MAP2K5: variants seen among roughly 807,000 people sequenced by gnomAD.
MAP2K5 encodes dual specificity mitogen-activated protein kinase kinase 5.
MAP2K5 carries 49 observed loss-of-function variants against 83.1 expected under a neutral mutation model. The ratio of observed to expected loss-of-function variants is 0.59; its 90% CI spans 0.47 to 0.75. MAP2K5 has a LOEUF of 0.75. Among genes scored for constraint, MAP2K5 ranks in the 30% least tolerant of loss-of-function variants. The probability of loss-of-function intolerance (pLI) is 0.00; values close to 1 mark genes in which losing one functional copy is unlikely to be tolerated. For synonymous variants in MAP2K5, 202 were observed against 191.8 expected, an observed-to-expected ratio of 1.05 and a Z score of -0.44; for missense variants, 457 against 557.5, an observed-to-expected ratio of 0.82 and a Z score of 1.82.
intron 2 of MAP2K5, among the ~76,000 whole-genome samples, chr15:67,560,569 C>G (rs1297006950): frequency 2.0e-5 from 3 of 152,152 alleles, no homozygotes; most frequent in Non-Finnish European, 2.9e-5. Context: ...GGAGTCAGAC[C>G]CCCTAAGGGG....
chr15:67,569,603 G>A (rs1262132687), intron 3 of MAP2K5, among the ~76,000 whole-genome samples: 1 of 152,110 alleles, frequency 6.6e-6, no homozygotes, highest in Non-Finnish European at 1.5e-5. Context: ...ACCCCTTTTA[G>A]CCCCTGTTGT....
Position 67,562,180 on chromosome 15 carries a change from T to A in MAP2K5, c.185-1103T>A, listed in dbSNP as rs1020881233. ...GCTCTGTACGTTGCTCCAGACGTTT[T>A]TGGCATTTCTTTCAACTGTGCATTT... On this transcript the variant is annotated intron_variant, in intron 2 of 21. Transcript: ENST00000178640. This position sits in a 1 kb window ranked among gnomAD's most constrained non-coding sequence, Gnocchi z 4.1. 3.3e-5 allele frequency among the ~76,000 whole-genome samples: 5 copies of A among 152,236 alleles called. No homozygotes were observed. Among genetic ancestry groups the A allele is most frequent in the African/African-American group, 9.6e-5 (4 of 41,462 alleles).
intron 7 of MAP2K5, 67 bp downstream of exon 7, chr15:67,593,041 A>G (rs893542506): frequency 4.9e-6 from 5 of 1,027,256 alleles, no homozygotes; most frequent in South Asian, 1.5e-5. Flanking sequence ...TTTTGTATCC[A>G]TAAGCTTATT....
chr15:67,756,780 T>C (rs1596919790), intron 19 of MAP2K5, among the ~76,000 whole-genome samples: 1 of 152,182 alleles, frequency 6.6e-6, no homozygotes, highest in African/African-American at 2.4e-5. Context: ...AGTGAGATCA[T>C]GCAGTTTTTG....
chr15:67,586,040 C>T, intron 5 of MAP2K5, 110 bp downstream of exon 5: 1 of 1,004,558 alleles, frequency 1.0e-6, no homozygotes, highest in Non-Finnish European at 1.6e-6. Context: ...GACAAGCGAT[C>T]CTTTTATTTT....
At chr15:67,598,606 G>A (rs2085581290) in intron 7 of MAP2K5, among the ~76,000 whole-genome samples, 1 of 152,096 alleles carries the variant, frequency 6.6e-6, no homozygotes, top group Admixed American at 6.6e-5. Flanking sequence ...ATGTGGATTG[G>A]GTAGCTTCTT....
intron 2 of MAP2K5, among the ~76,000 whole-genome samples, chr15:67,558,679 T>C (rs1170207409): frequency 6.6e-6 from 1 of 152,228 alleles, no homozygotes; most frequent in Non-Finnish European, 1.5e-5. Flanking sequence ...CATTCTGTTC[T>C]AGCCACTCTG....
At chr15:67,582,992 C>T (rs2085214114) in intron 4 of MAP2K5, among the ~76,000 whole-genome samples, 1 of 152,156 alleles carries the variant, frequency 6.6e-6, no homozygotes, top group African/African-American at 2.4e-5. Context: ...CATTATGCTT[C>T]TTCCCATGAT....
chr15:67,613,725 C>T (rs574317302), intron 8 of MAP2K5, among the ~76,000 whole-genome samples: 14 of 151,662 alleles, frequency 9.2e-5, no homozygotes, highest in African/African-American at 3.4e-4. Flanking sequence ...CTTCAGCTCC[C>T]TAGGGAAGCT....
At chr15:67,667,842 T>C (rs1432934352) in intron 13 of MAP2K5, among the ~76,000 whole-genome samples, 1 of 152,192 alleles carries the variant, frequency 6.6e-6, no homozygotes, top group Admixed American at 6.6e-5. Context: ...ACAGAATTTA[T>C]TAAACGTAGT....
intron 12 of MAP2K5, 100 bp downstream of exon 12, chr15:67,658,714 C>A: frequency 9.5e-7 from 1 of 1,058,016 alleles, no homozygotes; most frequent in South Asian, 1.3e-5. Flanking sequence ...GTTCTTCAAT[C>A]CCAGTTGGCT....
intron 9 of MAP2K5, among the ~76,000 whole-genome samples, chr15:67,633,640 C>G (rs1332934645): frequency 6.6e-6 from 1 of 152,166 alleles, no homozygotes; most frequent in African/African-American, 2.4e-5. Flanking sequence ...TAGACCTGAT[C>G]ATTAAACTGG....
chr15:67,696,904 G>A (rs1022023667), intron 15 of MAP2K5, among the ~76,000 whole-genome samples: 2 of 152,094 alleles, frequency 1.3e-5, no homozygotes, highest in African/African-American at 2.4e-5. Context: ...ACTTGAACCC[G>A]GGAGGCGGAG....
chr15:67,631,814 C>T (rs891148197), intron 9 of MAP2K5, among the ~76,000 whole-genome samples: 2 of 152,180 alleles, frequency 1.3e-5, no homozygotes, highest in Middle Eastern at 3.2e-3. Flanking sequence ...TCTTGAATTG[C>T]GCTTCTGACT....
chr15:67,664,447 G>A, intron 12 of MAP2K5, 150 bp from the exon 13 acceptor site: 1 of 562,464 alleles, frequency 1.8e-6, no homozygotes, highest in East Asian at 3.1e-5. Flanking sequence ...GCTACAGTGA[G>A]CAGTGATTGT....
chr15:67,787,658 C>T (rs1414081253), intron 21 of MAP2K5, among the ~76,000 whole-genome samples: 5 of 152,130 alleles, frequency 3.3e-5, no homozygotes. Flanking sequence ...AGCCTCGAAA[C>T]AATTAAGAAT....
At chr15:67,629,528 C>T (rs530855609) in intron 8 of MAP2K5, among the ~76,000 whole-genome samples, 4 of 151,892 alleles carry the variant, frequency 2.6e-5, no homozygotes, top group Admixed American at 6.6e-5. Flanking sequence ...ATGATGTTTC[C>T]ATGTTGGCAG....
chr15:67,791,299 A>G (rs1378242483), intron 21 of MAP2K5, among the ~76,000 whole-genome samples: 1 of 152,200 alleles, frequency 6.6e-6, no homozygotes, highest in Non-Finnish European at 1.5e-5. Flanking sequence ...AGGGCTTCAA[A>G]TCACCTGTTT....
chr15:67,588,352 T>C (rs2085328640), intron 6 of MAP2K5, among the ~76,000 whole-genome samples: 2 of 152,232 alleles, frequency 1.3e-5, no homozygotes, highest in East Asian at 1.9e-4. Context: ...TTGGTTATCT[T>C]TGAGGACTAA....
Sources: gnomAD v4.1 joint callset for allele counts (sites outside exome capture counted in the v4.1 genomes callset) on GRCh38, gnomAD v4.1.1 for gene constraint, Gnocchi (gnomAD v3.1) non-coding constraint, MANE v1.5 for transcripts, NCBI Gene and HGNC (gene_info 2026-07-23, HGNC 2026-07-21) for gene names.